The following FDFT1 variants were observed in gnomAD, a reference collection of about 807,000 sequenced individuals.
FDFT1 encodes squalene synthase.
A neutral mutation model predicts 46.8 loss-of-function variants in FDFT1; 68 were observed. That is an observed-to-expected ratio of 1.45 (90% CI 1.19 to 1.78). The LOEUF is 1.78. Among genes scored for constraint, FDFT1 ranks in the 40% most tolerant of loss-of-function variants. The probability of loss-of-function intolerance (pLI) is 0.00; values close to 1 mark genes in which losing one functional copy is unlikely to be tolerated. For missense variants in FDFT1, 928 were observed against 524.4 expected (o/e 1.77, Z -7.52); for synonymous variants, 351 against 185.1 (o/e 1.90, Z -7.28).
At chr8:11,798,905 C>T (rs956659504), upstream of FDFT1, among the ~76,000 whole-genome samples, 3 of 152,178 alleles carry the variant, frequency 2.0e-5, no homozygotes, top group Non-Finnish European at 2.9e-5. Flanking sequence ...GCCTTTATTT[C>T]TTCTAAAGGG....
intron 4 of FDFT1, among the ~76,000 whole-genome samples, chr8:11,822,609 T>A (rs1362624972): frequency 6.6e-6 from 1 of 151,958 alleles, no homozygotes; most frequent in East Asian, 1.9e-4. Flanking sequence ...AGCCCAGGAG[T>A]TAGACACAAG....
chr8:11,822,634 C>A (rs1001922548), intron 4 of FDFT1, among the ~76,000 whole-genome samples: 1 of 152,002 alleles, frequency 6.6e-6, no homozygotes, highest in African/African-American at 2.4e-5. Context: ...AGCAACATAG[C>A]GAGACCCCGT....
Position 11,838,742 on chromosome 8 carries a change from T to C in FDFT1, c.*133T>C. On this transcript the variant is annotated 3_prime_UTR_variant, in exon 8 of 8. Transcript: ENST00000220584. ...AAAGAACGCTGTGTGGCTGGGACCT[T>C]TAGGAAAGTGAAATGCAGGTGAGAA... 1 of 745,156 alleles carries C rather than the reference T, an allele frequency of 1.3e-6. No individual in the cohort carries two copies. Among genetic ancestry groups the C allele is most frequent in the Non-Finnish European group, 2.3e-6 (1 of 441,474 alleles). 46.2% of individuals were successfully genotyped at this position (745,156 alleles called of 1,614,324 possible). A position where few individuals can be genotyped will look rare whatever the true frequency, so the allele number is the denominator to read the frequency against.
intron 2 of FDFT1, chr8:11,809,350 G>T: frequency 9.0e-7 from 1 of 1,110,000 alleles, no homozygotes; most frequent in Non-Finnish European, 1.1e-6. Flanking sequence ...TTTTCTATTT[G>T]CTACATATTA....
chr8:11,828,309 A>G (rs2130857633), intron 5 of FDFT1, among the ~76,000 whole-genome samples: 1 of 152,258 alleles, frequency 6.6e-6, no homozygotes, highest in Middle Eastern at 3.4e-3. Context: ...ACAAACAACA[A>G]CAAAAAAACA....
At chr8:11,827,301 A>G (rs1462152601) in intron 5 of FDFT1, among the ~76,000 whole-genome samples, 3 of 152,204 alleles carry the variant, frequency 2.0e-5, no homozygotes, top group African/African-American at 7.2e-5. Context: ...TTGTTAGAAA[A>G]TGATTCTGCT....
chr8:11,822,563 C>T (rs1184490554), intron 4 of FDFT1, among the ~76,000 whole-genome samples: 1 of 152,232 alleles, frequency 6.6e-6, no homozygotes, highest in East Asian at 1.9e-4. Flanking sequence ...CCTGTAATCT[C>T]AGCACTTTGG....
chr8:11,797,587 G>A (rs1447080776), upstream of FDFT1, among the ~76,000 whole-genome samples: 1 of 120,050 alleles, frequency 8.3e-6, no homozygotes, highest in Non-Finnish European at 1.6e-5. Flanking sequence ...AATCCTAGGA[G>A]TTTGAGCCAG....
rs575298123 is a variant in FDFT1, at chr8:11,803,657, G to A, written c.99+726G>A. 1.4e-5 allele frequency: 6 copies of A among 441,282 alleles called. No individual in the cohort carries two copies. The East Asian group carries it at 5.3e-4, about 39-fold the overall frequency. The allele number at this position is 441,282 out of a possible 1,614,324, so 27.3% of individuals were successfully genotyped here. A position where few individuals can be genotyped will look rare whatever the true frequency, so the allele number is the denominator to read the frequency against. ...TGAATGAATAGACAAATTCAGCCAA[G>A]TTCTTCTGGTCTGGACCAGCCTGGC... On this transcript the variant is annotated intron_variant, in intron 1 of 7. Coordinates refer to ENST00000220584, the MANE Select transcript of FDFT1 (RefSeq NM_004462.5).
At position 11,802,890 on chromosome 8, in the gene FDFT1, C is replaced by T. The variant is rs1303121853; in HGVS notation, c.58C>T (p.Arg20Trp). ...PEEFYNLVRF[R>W]IGGKRKVMPK... ...AGAGTTCTACAACCTGGTGCGCTTC[C>T]GGATCGGGGGCAAGCGGAAGGTGAT... The change falls in exon 1 of 8, where the codon CGG becomes TGG. Residue 20 changes from arginine (R) to tryptophan (W), a missense_variant. Arg to Trp is a moderately radical substitution (Grantham distance 101). Transcript: ENST00000220584. 1 of 1,612,024 alleles carries T rather than the reference C, an allele frequency of 6.2e-7. No homozygotes were observed. The highest frequency in any genetic ancestry group is 8.5e-7 in the Non-Finnish European group (1 of 1,179,026).
intron 7 of FDFT1, among the ~76,000 whole-genome samples, chr8:11,833,333 A>G (rs998343615): frequency 6.6e-5 from 10 of 152,228 alleles, no homozygotes; most frequent in African/African-American, 1.9e-4. Context: ...TCTGTCTGAC[A>G]TCAGAATCCA....
rs113331840 is a variant in FDFT1 at position 11,832,621 on chromosome 8, C to T, written c.1032+951C>T. On this transcript the variant is annotated intron_variant, in intron 7 of 7. Coordinates refer to ENST00000220584, the MANE Select transcript of FDFT1 (RefSeq NM_004462.5). Reference sequence around the variant, plus strand: ...TTTGTAATCTCTAATAATCTCTAGGCCCTAGAGCAGTGGTTTGTAAATGGA... The same window carrying T: ...TTTGTAATCTCTAATAATCTCTAGGTCCTAGAGCAGTGGTTTGTAAATGGA... Among the ~76,000 whole-genome samples the T allele has an allele frequency of 5.4e-3, 784 of 144,772 alleles. 11 individuals carry two copies. Among genetic ancestry groups the T allele is most frequent in the African/African-American group, 0.019 (749 of 39,972 alleles). 95.0% of individuals were successfully genotyped at this position (144,772 alleles called of 152,430 possible).
chr8:11,822,114 C>T (rs1044930729), intron 4 of FDFT1, among the ~76,000 whole-genome samples: 6 of 152,164 alleles, frequency 3.9e-5, no homozygotes, highest in African/African-American at 1.4e-4. Context: ...AAGTGCTTAT[C>T]TAGACAAAGG....
intron 3 of FDFT1, 193 bp downstream of exon 3, chr8:11,810,043 T>C: frequency 1.8e-6 from 1 of 543,568 alleles, no homozygotes; most frequent in Non-Finnish European, 3.2e-6. Context: ...ATCTCCCACT[T>C]ACTAAACTGT....
intron 1 of FDFT1, 64 bp from the exon 2 acceptor site, chr8:11,808,728 TCC>T (rs1224882932): frequency 7.8e-5 from 122 of 1,570,802 alleles, no homozygotes; most frequent in East Asian, 4.7e-5. Flanking sequence ...CCACTCCCAC[TCC>T]CACTCCCACT....
intron 2 of FDFT1, 142 bp from the exon 3 acceptor site, chr8:11,809,525 T>G: frequency 3.0e-6 from 4 of 1,315,182 alleles, no homozygotes; most frequent in Non-Finnish European, 3.9e-6. Flanking sequence ...TTTCGTTAAG[T>G]ATGAAAAGCG....
At chr8:11,798,087 ATTTTTTT>A (rs1805744876), upstream of FDFT1, 2 of 116,712 alleles carry the variant, frequency 1.7e-5, no homozygotes, top group South Asian at 4.9e-4. Context: ...TTTATTTTTT[ATTTTTTT>A]GAGACGGAGT....
chr8:11,813,372 T>TA (rs1808001151), intron 3 of FDFT1, among the ~76,000 whole-genome samples: 1 of 152,238 alleles, frequency 6.6e-6, no homozygotes, highest in African/African-American at 2.4e-5. Context: ...ATGAGTTACT[T>TA]ACTAAATATA....
At chr8:11,831,898 C>T in intron 7 of FDFT1, 1 of 442,950 alleles carries the variant, frequency 2.3e-6, no homozygotes, top group Non-Finnish European at 4.0e-6. Context: ...TGGAGCAAGG[C>T]TGTAGGTTGG....
Sources: allele counts gnomAD v4.1 joint callset (sites outside exome capture counted in the v4.1 genomes callset), GRCh38; gene constraint gnomAD v4.1.1; transcripts MANE v1.5; gene names NCBI Gene and HGNC (gene_info 2026-07-23, HGNC 2026-07-21).